MEIS1: variants seen among roughly 807,000 people sequenced by gnomAD.
MEIS1 encodes Meis homeobox 1, also known as homeobox protein Meis1.
MEIS1 carries 5 observed loss-of-function variants against 50.8 expected under a neutral mutation model. The ratio of observed to expected loss-of-function variants is 0.10; its 90% CI spans 0.05 to 0.21. MEIS1 has a LOEUF of 0.21. Ranked by LOEUF, MEIS1 falls within the 10% of genes least tolerant of loss-of-function variation. The probability of loss-of-function intolerance (pLI) is 1.00; values close to 1 mark genes in which losing one functional copy is unlikely to be tolerated. For synonymous variants in MEIS1, 176 were observed against 179.3 expected (o/e 0.98, Z 0.15); for missense variants, 318 against 517.3 (o/e 0.61, Z 3.74).
At chr2:66,477,425 T>A (rs1231633626) in intron 7 of MEIS1, among the ~76,000 whole-genome samples, 1 of 152,164 alleles carries the variant, frequency 6.6e-6, no homozygotes, top group Admixed American at 6.5e-5. Context: ...GCTTTGCCAC[T>A]CTAGATGGGA....
chr2:66,457,314 G>A (rs1205757824), intron 6 of MEIS1, among the ~76,000 whole-genome samples: 1 of 151,926 alleles, frequency 6.6e-6, no homozygotes, highest in East Asian at 1.9e-4. Flanking sequence ...TAGTTGAGTG[G>A]GTTGAATGAT....
chr2:66,441,632 T>A lies in MEIS1; in HGVS notation c.483+168T>A, dbSNP rs1191776160. 6.9e-6 allele frequency: 4 copies of A among 583,274 alleles called. No individual in the cohort carries two copies. The East Asian group carries it at 1.4e-4, about 20-fold the overall frequency. The allele number at this position is 583,274 out of a possible 1,614,324, so 36.1% of individuals were successfully genotyped here. On this transcript the variant is annotated intron_variant, in intron 5 of 12. Transcript: ENST00000272369. The stretch of plus-strand genomic sequence containing the variant: ...TTAGCGTCCATTTCTCTTCGCAGTT[T>A]AATTACAATTTCAGCCACTAAAACT...
chr2:66,497,630 C>T (rs572227270), intron 7 of MEIS1, among the ~76,000 whole-genome samples: 4 of 152,228 alleles, frequency 2.6e-5, no homozygotes, highest in Admixed American at 1.3e-4. Flanking sequence ...CATGGTGGCT[C>T]ATGCCTGTAA....
At chr2:66,566,108 G>T (rs1675340566) in intron 9 of MEIS1, among the ~76,000 whole-genome samples, 1 of 152,102 alleles carries the variant, frequency 6.6e-6, no homozygotes. Context: ...GCAGTTCAGG[G>T]ACTTCATATA....
chr2:66,474,577 A>T (rs1267876061), intron 7 of MEIS1, among the ~76,000 whole-genome samples: 1 of 152,210 alleles, frequency 6.6e-6, no homozygotes, highest in Non-Finnish European at 1.5e-5. Flanking sequence ...CTCAGGAAAA[A>T]AAAAATGTAG....
intron 6 of MEIS1, among the ~76,000 whole-genome samples, chr2:66,461,439 A>G (rs952340177): frequency 1.3e-5 from 2 of 152,148 alleles, no homozygotes; most frequent in Non-Finnish European, 2.9e-5. Context: ...AACTTTGTGG[A>G]TTTCTTCTAA....
intron 8 of MEIS1, among the ~76,000 whole-genome samples, chr2:66,542,263 G>A (rs2103918432): frequency 6.6e-6 from 1 of 152,070 alleles, no homozygotes; most frequent in East Asian, 1.9e-4. Flanking sequence ...AGATCTAATA[G>A]TTAAAAACCA....
At chr2:66,546,068 A>G (rs957446659) in intron 8 of MEIS1, among the ~76,000 whole-genome samples, 2 of 152,184 alleles carry the variant, frequency 1.3e-5, no homozygotes, top group African/African-American at 4.8e-5. Flanking sequence ...GTTTATTAGC[A>G]TTGGTAGATG....
intron 1 of MEIS1, among the ~76,000 whole-genome samples, chr2:66,436,364 A>G (rs1053311485): frequency 1.6e-4 from 24 of 152,234 alleles, no homozygotes; most frequent in Admixed American, 1.5e-3. Context: ...AGTAATTTCA[A>G]TTTGTATAGA....
intron 9 of MEIS1, among the ~76,000 whole-genome samples, chr2:66,552,519 T>C (rs1397374204): frequency 2.0e-5 from 3 of 152,206 alleles, no homozygotes; most frequent in Non-Finnish European, 4.4e-5. Flanking sequence ...TTCAGAACTA[T>C]GGTACTCTAC....
Position 66,442,425 on chromosome 2 carries a change from C to G in MEIS1, c.484-477C>G, listed in dbSNP as rs532788887. 1.1e-3 allele frequency among the ~76,000 whole-genome samples: 160 copies of G among 151,608 alleles called. 1 individual carries two copies. The highest frequency in any genetic ancestry group is 2.8e-3 in the Admixed American group (42 of 15,232). On this transcript the variant is annotated intron_variant, in intron 5 of 12. Transcript: ENST00000272369. ...CCCTTAGAGATAAAAACCTTCATTA[C>G]AAATATAATAAGGACTTGGGTTGTC...
At chr2:66,528,706 C>A (rs1182938597) in intron 8 of MEIS1, among the ~76,000 whole-genome samples, 1 of 152,208 alleles carries the variant, frequency 6.6e-6, no homozygotes, top group African/African-American at 2.4e-5. Context: ...GCCTTCCTGC[C>A]TCTAACATTG....
intron 7 of MEIS1, among the ~76,000 whole-genome samples, chr2:66,505,710 A>C (rs911910294): frequency 2.0e-5 from 3 of 152,226 alleles, no homozygotes; most frequent in Admixed American, 1.3e-4. Context: ...AAGATGCACA[A>C]ACAGCAAGAA....
chr2:66,521,144 T>A (rs4586617), intron 8 of MEIS1, among the ~76,000 whole-genome samples: 1 of 152,152 alleles, frequency 6.6e-6, no homozygotes, highest in African/African-American at 2.4e-5. Flanking sequence ...GAAAGCTACA[T>A]CTGTTGATAT....
At chr2:66,441,936 A>T in intron 5 of MEIS1, 1 of 164,198 alleles carries the variant, frequency 6.1e-6, no homozygotes. Flanking sequence ...GAGAAGGAGG[A>T]GGAGCGGGAA....
Position 66,528,905 on chromosome 2 carries a change from C to T in MEIS1, c.888+16611C>T, listed in dbSNP as rs1674323046. 2.0e-5 allele frequency among the ~76,000 whole-genome samples: 3 copies of T among 152,238 alleles called. 1 individual carries two copies. Among genetic ancestry groups the T allele is most frequent in the Admixed American group, 2.0e-4 (3 of 15,292 alleles). On this transcript the variant is annotated intron_variant, in intron 8 of 12. Transcript: ENST00000272369. ...GCCCTGGCGCCTCTCTCACCATTTTCATACAGGCTCCCCATGCATGCCATG... is the reference window on the plus strand; with the variant it reads ...GCCCTGGCGCCTCTCTCACCATTTTTATACAGGCTCCCCATGCATGCCATG...
intron 9 of MEIS1, among the ~76,000 whole-genome samples, chr2:66,555,503 C>CA (rs1281922105): frequency 6.6e-6 from 1 of 152,156 alleles, no homozygotes; most frequent in Admixed American, 6.5e-5. Context: ...TAAGGGGAAA[C>CA]AAACTCGGCT....
Position 66,439,825 on chromosome 2 carries a change from T to C in MEIS1, c.240-18T>C, listed in dbSNP as rs571291788. 4 of 1,611,216 alleles carry C rather than the reference T, an allele frequency of 2.5e-6. No individual in the cohort carries two copies. In the South Asian group the frequency reaches 4.4e-5, roughly 18 times the overall value. ...GACTAACCATTATGTTGTTTGTGAC[T>C]GTTGTATTTTCTTGCAGACACCCCC... On this transcript the variant is annotated intron_variant, in intron 2 of 12. Transcript: ENST00000272369.
intron 9 of MEIS1, among the ~76,000 whole-genome samples, chr2:66,555,585 A>G (rs1308530940): frequency 6.6e-6 from 1 of 152,146 alleles, no homozygotes; most frequent in Non-Finnish European, 1.5e-5. Context: ...CTTGTCAAAT[A>G]TGTCTTAAGT....
Sources: allele counts gnomAD v4.1 joint callset (sites outside exome capture counted in the v4.1 genomes callset), GRCh38; gene constraint gnomAD v4.1.1; transcripts MANE v1.5; gene names NCBI Gene and HGNC (gene_info 2026-07-23, HGNC 2026-07-21).